Variants in TACR3 observed in about 807,000 individuals in gnomAD.
TACR3 encodes the protein neuromedin-K receptor.
TACR3 carries 34 observed loss-of-function variants against 35.0 expected under a neutral mutation model. The ratio of observed to expected loss-of-function variants is 0.97; its 90% CI spans 0.74 to 1.30. The LOEUF (loss-of-function observed/expected upper bound fraction) is 1.30. TACR3 is among the 50% of genes most tolerant of loss of function. The probability of loss-of-function intolerance (pLI) is 0.00; values close to 1 mark genes in which losing one functional copy is unlikely to be tolerated. For missense variants in TACR3, 558 were observed against 591.7 expected, an observed-to-expected ratio of 0.94 and a Z score of 0.59; for synonymous variants, 233 against 221.1, an observed-to-expected ratio of 1.05 and a Z score of -0.48.
intron 1 of TACR3, among the ~76,000 whole-genome samples, chr4:103,669,673 C>T (rs1190090476): frequency 2.0e-5 from 3 of 151,952 alleles, no homozygotes; most frequent in East Asian, 1.9e-4. Context: ...AGGTCTTTTG[C>T]ACATTTAAAA....
intron 3 of TACR3, among the ~76,000 whole-genome samples, chr4:103,603,802 A>C (rs1218319809): frequency 1.3e-5 from 2 of 152,182 alleles, no homozygotes; most frequent in Non-Finnish European, 2.9e-5. Flanking sequence ...GTGTGAAAGC[A>C]TTCCTATTTC....
chr4:103,697,122 A>G (rs1722537097), intron 1 of TACR3, among the ~76,000 whole-genome samples: 2 of 152,146 alleles, frequency 1.3e-5, no homozygotes, highest in Non-Finnish European at 2.9e-5. Context: ...TTAACACTGG[A>G]AAGCACTTGG....
At chr4:103,623,875 G>A (rs1210985231) in intron 3 of TACR3, among the ~76,000 whole-genome samples, 1 of 152,104 alleles carries the variant, frequency 6.6e-6, no homozygotes, top group East Asian at 1.9e-4. Flanking sequence ...GGATGATGGA[G>A]ACCTGGCTTA....
intron 1 of TACR3, among the ~76,000 whole-genome samples, chr4:103,702,226 A>C (rs552577064): frequency 1.1e-4 from 16 of 152,364 alleles, no homozygotes; most frequent in Non-Finnish European, 1.8e-4. Context: ...CAACCCCATC[A>C]AAAAGTGGGC....
chr4:103,603,099 G>A (rs1578221837), intron 3 of TACR3, among the ~76,000 whole-genome samples: 1 of 152,186 alleles, frequency 6.6e-6, no homozygotes, highest in African/African-American at 2.4e-5. Flanking sequence ...GCAATGGCAG[G>A]TGCCCCTCCC....
At chr4:103,694,005 T>C (rs1047751222) in intron 1 of TACR3, among the ~76,000 whole-genome samples, 2 of 152,192 alleles carry the variant, frequency 1.3e-5, no homozygotes, top group Non-Finnish European at 2.9e-5. Flanking sequence ...TTTGTAGTAC[T>C]TTCTTTGTAA....
At chr4:103,688,268 A>C (rs1170573499) in intron 1 of TACR3, among the ~76,000 whole-genome samples, 1 of 152,180 alleles carries the variant, frequency 6.6e-6, no homozygotes, top group Non-Finnish European at 1.5e-5. Context: ...TAAAGACTTA[A>C]ACGTTAGATC....
intron 3 of TACR3, among the ~76,000 whole-genome samples, chr4:103,605,143 C>T (rs570244177): frequency 6.6e-6 from 1 of 150,670 alleles, no homozygotes; most frequent in African/African-American, 2.4e-5. Context: ...CATGTCCCTA[C>T]AAAGGACATG....
chr4:103,655,895 C>A (rs960526356), intron 3 of TACR3, among the ~76,000 whole-genome samples: 3 of 151,922 alleles, frequency 2.0e-5, no homozygotes, highest in Admixed American at 6.6e-5. Flanking sequence ...TGCAAAAATA[C>A]AATCAACTGG....
intron 1 of TACR3, among the ~76,000 whole-genome samples, chr4:103,684,045 T>C (rs1263740276): frequency 7.9e-5 from 12 of 152,054 alleles, no homozygotes; most frequent in Admixed American, 5.9e-4. Context: ...TAATATAAAC[T>C]CTCAGCACAT....
intron 1 of TACR3, among the ~76,000 whole-genome samples, chr4:103,689,256 C>A (rs28794606): frequency 5.8e-5 from 5 of 85,620 alleles, no homozygotes; most frequent in African/African-American, 1.8e-4. Flanking sequence ...GTTGTGGGGT[C>A]GGGGGAGGGG....
intron 1 of TACR3, among the ~76,000 whole-genome samples, chr4:103,715,578 C>T (rs1394254167): frequency 6.6e-6 from 1 of 152,086 alleles, no homozygotes; most frequent in Non-Finnish European, 1.5e-5. Context: ...GACTAACACA[C>T]TCCCTTAAGG....
At chr4:103,712,757 A>G (rs191722174) in intron 1 of TACR3, among the ~76,000 whole-genome samples, 2 of 152,148 alleles carry the variant, frequency 1.3e-5, no homozygotes, top group Non-Finnish European at 2.9e-5. Flanking sequence ...GAATCTACAA[A>G]GAACTCAAAC....
intron 3 of TACR3, among the ~76,000 whole-genome samples, chr4:103,639,408 A>G (rs1175821388): frequency 1.3e-5 from 2 of 151,956 alleles, no homozygotes; most frequent in Non-Finnish European, 2.9e-5. Context: ...ACATGGACAC[A>G]GGAAGGGGAA....
At position 103,719,943 on chromosome 4, in the gene TACR3, C is replaced by T. The variant is rs1723178856; in HGVS notation, c.-268G>A. 7.1e-6 allele frequency: 4 copies of T among 564,486 alleles called. No individual in the cohort carries two copies. The East Asian group carries it at 8.7e-5, about 12-fold the overall frequency. The allele number at this position is 564,486 out of a possible 1,614,324, so 35.0% of individuals were successfully genotyped here. A position where few individuals can be genotyped will look rare whatever the true frequency, so the allele number is the denominator to read the frequency against. On this transcript the variant is annotated 5_prime_UTR_variant, in exon 1 of 5. In the 5' UTR this introduces an upstream ATG that the reference lacks. Transcript: ENST00000304883. The stretch of plus-strand genomic sequence containing the variant: ...GATTAAGGGTTATCGAGTCACATCA[C>T]ACGTAGGGAGGGTGCCAGCTGCCCG...
At chr4:103,710,207 C>A (rs1470614305) in intron 1 of TACR3, among the ~76,000 whole-genome samples, 1 of 152,154 alleles carries the variant, frequency 6.6e-6, no homozygotes, top group East Asian at 1.9e-4. Context: ...AATATACATT[C>A]TTCTCAGCAC....
chr4:103,643,779 A>G (rs1391490263), intron 3 of TACR3, among the ~76,000 whole-genome samples: 1 of 151,786 alleles, frequency 6.6e-6, no homozygotes, highest in African/African-American at 2.4e-5. Context: ...ATTGATAATG[A>G]TGGCAATTGT....
intron 3 of TACR3, chr4:103,624,237 C>T (rs1724844002): frequency 6.6e-6 from 1 of 151,984 alleles, no homozygotes; most frequent in South Asian, 2.1e-4. Context: ...CATGTATGTT[C>T]CTTTAGGGTG....
intron 3 of TACR3, chr4:103,624,157 A>T (rs182040665): frequency 1.4e-4 from 22 of 152,236 alleles, no homozygotes; most frequent in African/African-American, 5.3e-4. Context: ...TAGGTATGCA[A>T]TTACTGTTTT....
Sources: gnomAD v4.1 joint callset for allele counts (sites outside exome capture counted in the v4.1 genomes callset) on GRCh38, gnomAD v4.1.1 for gene constraint, MANE v1.5 for transcripts, NCBI Gene and HGNC (gene_info 2026-07-23, HGNC 2026-07-21) for gene names.